The following NCOA2 variants were observed in gnomAD, a reference collection of about 807,000 sequenced individuals.
The protein encoded by NCOA2 is nuclear receptor coactivator 2, also known as class E basic helix-loop-helix protein 75.
NCOA2 carries 21 observed loss-of-function variants against 145.1 expected under a neutral mutation model. The ratio of observed to expected loss-of-function variants is 0.14; its 90% confidence interval spans 0.10 to 0.21. NCOA2 has a LOEUF of 0.21. Ranked by LOEUF, NCOA2 falls within the 10% of genes least tolerant of loss-of-function variation. The pLI is 1.00. For synonymous variants in NCOA2, 619 were observed against 637.5 expected (o/e 0.97, Z 0.44); for missense variants, 1,472 against 1,837.6 (o/e 0.80, Z 3.64).
chr8:70,271,338 AACTG>A (rs1362810724), intron 2 of NCOA2, among the ~76,000 whole-genome samples: 1 of 152,220 alleles, frequency 6.6e-6, no homozygotes, highest in African/African-American at 2.4e-5. Flanking sequence ...TACATATTTC[AACTG>A]ACTAAATGTA....
the NCOA2 span, among the ~76,000 whole-genome samples, chr8:70,413,290 C>T: frequency 2.0e-5 from 3 of 152,076 alleles, no homozygotes; most frequent in Non-Finnish European, 4.4e-5. Flanking sequence ...CAACCCTCAA[C>T]ACTATCCATC....
intron 11 of NCOA2, 132 bp downstream of exon 11, chr8:70,155,839 T>C (rs954761717): frequency 5.5e-6 from 4 of 733,388 alleles, no homozygotes; most frequent in Non-Finnish European, 6.3e-6. Context: ...TTCAGCGAGA[T>C]TTTCAAGATA....
At chr8:70,407,737 A>G (rs1160001075), upstream of NCOA2, among the ~76,000 whole-genome samples, 1 of 152,102 alleles carries the variant, frequency 6.6e-6, no homozygotes, top group Non-Finnish European at 1.5e-5. Context: ...CGGAGGTTGC[A>G]GTGAGCCAAG....
the NCOA2 span, among the ~76,000 whole-genome samples, chr8:70,412,696 A>G: frequency 1.3e-5 from 2 of 151,478 alleles, no homozygotes; most frequent in East Asian, 1.9e-4. Flanking sequence ...ATTAAGCCCA[A>G]TGTGAGAATC....
the NCOA2 span, among the ~76,000 whole-genome samples, chr8:70,413,270 C>T: frequency 8.5e-4 from 130 of 152,224 alleles, 2 homozygotes; most frequent in South Asian, 0.026. Context: ...AATGCATTCA[C>T]CTTGCTGTGC....
rs897733695 is a variant in NCOA2, at chr8:70,112,157, T to C, written c.*1475A>G. On this transcript the variant is annotated 3_prime_UTR_variant, in exon 23 of 23. Coordinates refer to ENST00000452400, the MANE Select transcript of NCOA2 (RefSeq NM_006540.4). ...GCGGCTGCATATCATATAGATTAGA[T>C]AAATGACTTATAAGCAGAATCACAA... 4.9e-6 allele frequency: 1 copy of C among 204,316 alleles called. No individual in the cohort carries two copies. The allele number at this position is 204,316 out of a possible 1,614,324, so 12.7% of individuals were successfully genotyped here. A position where few individuals can be genotyped will look rare whatever the true frequency, so the allele number is the denominator to read the frequency against.
At chr8:70,249,977 AAAGAAG>A (rs1554606850) in intron 2 of NCOA2, among the ~76,000 whole-genome samples, 53 of 137,972 alleles carry the variant, frequency 3.8e-4, no homozygotes, top group East Asian at 2.2e-3. Flanking sequence ...AAAAAAAAAA[AAAGAAG>A]AAGAAGAAGA....
chr8:70,248,642 C>T (rs776616628), intron 2 of NCOA2, among the ~76,000 whole-genome samples: 19 of 152,006 alleles, frequency 1.2e-4, no homozygotes, highest in African/African-American at 1.9e-4. Context: ...ATATAATCTA[C>T]GCATATCCTC....
chr8:70,393,460 TACC>T (rs1164802115), intron 1 of NCOA2, among the ~76,000 whole-genome samples: 1 of 152,164 alleles, frequency 6.6e-6, no homozygotes, highest in Non-Finnish European at 1.5e-5. Flanking sequence ...TCTATCTACC[TACC>T]AAAGGCTCCC....
In NCOA2 at chr8:70,158,208, C is replaced by T. The variant is rs116577502; in HGVS notation, c.1125-968G>A. Reference sequence around the variant, plus strand: ...CAAACAGAGTTGCCTGATTTTTTTACTCCTAAACAGTGAATTGAGAAATGT... The same window carrying T: ...CAAACAGAGTTGCCTGATTTTTTTATTCCTAAACAGTGAATTGAGAAATGT... On this transcript the variant is annotated intron_variant, in intron 10 of 22. Coordinates refer to ENST00000452400, the MANE Select transcript of NCOA2 (RefSeq NM_006540.4). 5.9e-3 allele frequency among the ~76,000 whole-genome samples: 891 copies of T among 152,236 alleles called. 5 individuals are homozygous for T. Among genetic ancestry groups the T allele is most frequent in the African/African-American group, 0.02 (830 of 41,544 alleles).
rs994281109 is a variant in NCOA2, at chr8:70,332,439, C to T, written c.-76-35639G>A. 3.9e-5 allele frequency among the ~76,000 whole-genome samples: 6 copies of T among 152,278 alleles called. No individual in the cohort carries two copies. In the South Asian group the frequency reaches 8.3e-4, roughly 21 times the overall value. On this transcript the variant is annotated intron_variant, in intron 1 of 22. Transcript: ENST00000452400. ...TTTCTGACTCTACGCTGCTCTAAAA[C>T]ATTTTCCCAACTTCTTCTTCCTAAT...
chr8:70,440,482 G>A, the NCOA2 span, among the ~76,000 whole-genome samples: 47 of 152,224 alleles, frequency 3.1e-4, no homozygotes, highest in Admixed American at 2.4e-3. Flanking sequence ...GCTGAGGCAC[G>A]AGAATTGCTT....
intron 4 of NCOA2, among the ~76,000 whole-genome samples, chr8:70,195,792 T>C (rs1817243093): frequency 1.3e-5 from 2 of 152,276 alleles, no homozygotes; most frequent in South Asian, 2.1e-4. Context: ...CGCTTACAAC[T>C]TTCTTCCCAA....
intron 15 of NCOA2, among the ~76,000 whole-genome samples, chr8:70,132,842 AGGC>A (rs1809296551): frequency 6.6e-6 from 1 of 152,232 alleles, no homozygotes; most frequent in Non-Finnish European, 1.5e-5. Flanking sequence ...CTGGGATAAC[AGGC>A]GTGAGCTACC....
chr8:70,420,821 T>C, the NCOA2 span, among the ~76,000 whole-genome samples: 3 of 152,116 alleles, frequency 2.0e-5, no homozygotes, highest in Non-Finnish European at 2.9e-5. Flanking sequence ...ATTTTTGTAT[T>C]TTTAGTAGAG....
intron 1 of NCOA2, chr8:70,401,741 G>C (rs569262232): frequency 6.6e-6 from 1 of 152,130 alleles, no homozygotes; most frequent in African/African-American, 2.4e-5. Context: ...TCCCCATTCT[G>C]GCATAGCTGA....
chr8:70,237,439 T>C (rs1055536692), intron 2 of NCOA2, among the ~76,000 whole-genome samples: 8 of 152,026 alleles, frequency 5.3e-5, no homozygotes, highest in African/African-American at 1.9e-4. Flanking sequence ...TTTTTTTTTT[T>C]TTTAAGTATA....
chr8:70,324,076 C>T (rs570933887), intron 1 of NCOA2, among the ~76,000 whole-genome samples: 8 of 152,250 alleles, frequency 5.3e-5, no homozygotes, highest in South Asian at 2.1e-4. Context: ...CTTCATTTTT[C>T]AAGACTGACA....
intron 4 of NCOA2, among the ~76,000 whole-genome samples, chr8:70,202,301 A>T (rs934010220): frequency 6.6e-6 from 1 of 152,218 alleles, no homozygotes; most frequent in Admixed American, 6.5e-5. Flanking sequence ...ATTTAAATGC[A>T]GAATTACCAT....
Sources: gnomAD v4.1 joint callset for allele counts (sites outside exome capture counted in the v4.1 genomes callset) on GRCh38, gnomAD v4.1.1 for gene constraint, MANE v1.5 for transcripts, NCBI Gene and HGNC (gene_info 2026-07-23, HGNC 2026-07-21) for gene names.